PHF14: variants seen among roughly 807,000 people sequenced by gnomAD.
The protein encoded by PHF14 is PHD finger protein 14.
PHF14 carries 55 observed loss-of-function variants against 117.9 expected under a neutral mutation model. The observed-to-expected ratio is 0.47, with a 90% confidence interval of 0.38 to 0.58. The LOEUF (loss-of-function observed/expected upper bound fraction) is 0.58, where lower values mean the gene tolerates loss of function less well. PHF14 is among the 20% of genes least tolerant of loss of function. PHF14 has a pLI of 0.00. For missense variants in PHF14, 978 were observed against 1,122.2 expected (o/e 0.87, Z 1.84); for synonymous variants, 409 against 368.6 (o/e 1.11, Z -1.26).
intron 5 of PHF14, among the ~76,000 whole-genome samples, chr7:11,017,036 A>G (rs1443830270): frequency 2.0e-5 from 3 of 152,142 alleles, no homozygotes; most frequent in Non-Finnish European, 4.4e-5. Context: ...TTCACCTAAC[A>G]TAATGATCTC....
chr7:10,987,174 T>C (rs1206288949), intron 3 of PHF14, among the ~76,000 whole-genome samples: 1 of 152,130 alleles, frequency 6.6e-6, no homozygotes. Context: ...TTGCTCTGAG[T>C]CCTAAAAAAA....
chr7:11,074,848 TTGTCTTCC>T (rs1479955342), intron 16 of PHF14, among the ~76,000 whole-genome samples: 17 of 152,036 alleles, frequency 1.1e-4, no homozygotes, highest in Admixed American at 8.5e-4. Flanking sequence ...AAATTGTCCC[TTGTCTTCC>T]TGTCTTCTTC....
At chr7:11,144,894 T>TA (rs569182101) in intron 17 of PHF14, among the ~76,000 whole-genome samples, 197 of 151,864 alleles carry the variant, frequency 1.3e-3, no homozygotes, top group African/African-American at 3.7e-3. Flanking sequence ...GTAAGAGTAG[T>TA]AAAAAATCAT....
chr7:11,002,883 G>A (rs1184277000), intron 4 of PHF14, among the ~76,000 whole-genome samples: 2 of 152,170 alleles, frequency 1.3e-5, no homozygotes, highest in African/African-American at 4.8e-5. Context: ...TGGAAGCTTG[G>A]GTAGTATCTG....
chr7:11,135,438 G>C (rs1421076978), intron 17 of PHF14, among the ~76,000 whole-genome samples: 1 of 152,010 alleles, frequency 6.6e-6, no homozygotes, highest in African/African-American at 2.4e-5. Context: ...TGAAGCAGTG[G>C]AAATAGCACA....
intron 17 of PHF14, among the ~76,000 whole-genome samples, chr7:11,122,331 T>TATATATATATATATA (rs1787779306): frequency 5.9e-5 from 5 of 84,068 alleles, no homozygotes; most frequent in Admixed American, 3.9e-4. Context: ...TTTGTACTTT[T>TATATATATATATATA]TATATATATA....
At chr7:10,996,051 C>T (rs747090379) in intron 4 of PHF14, among the ~76,000 whole-genome samples, 6 of 152,204 alleles carry the variant, frequency 3.9e-5, no homozygotes, top group African/African-American at 9.6e-5. Context: ...CAAGAGTGAG[C>T]GAGGGCTGTG....
intron 17 of PHF14, among the ~76,000 whole-genome samples, chr7:11,150,409 A>G (rs778498849): frequency 1.3e-5 from 2 of 152,122 alleles, no homozygotes; most frequent in Non-Finnish European, 2.9e-5. Context: ...TCAAGTGTAT[A>G]ATTTTCTTGA....
At chr7:11,062,761 T>C in intron 16 of PHF14, 1 of 985,262 alleles carries the variant, frequency 1.0e-6, no homozygotes, top group Non-Finnish European at 1.2e-6. Flanking sequence ...AATGAAGACA[T>C]TGATCAAAGC....
At chr7:11,162,515 C>T (rs569109585) in intron 17 of PHF14, among the ~76,000 whole-genome samples, 2 of 152,116 alleles carry the variant, frequency 1.3e-5, no homozygotes, top group South Asian at 2.1e-4. Flanking sequence ...TACTTATCAT[C>T]CATCATTCAT....
In PHF14 at chr7:11,036,985, A is replaced by T; in HGVS notation, c.1874A>T (p.Glu625Val). Reference sequence around the variant, plus strand: ...AAAATTCGATATTTCATTTAAATAGAGAGAAATATGCGCATGATTCAAATT... The same window carrying T: ...AAAATTCGATATTTCATTTAAATAGTGAGAAATATGCGCATGATTCAAATT... ...LTADFVNYYF[E>V]RNMRMIQIQE... Residue 625 changes from glutamate (E) to valine (V), a missense_variant and splice_region_variant, in exon 10 of 18, where the codon GAG becomes GTG. By Grantham distance (121) the Glu-to-Val change is moderately radical (BLOSUM62 -2). Transcript: ENST00000634607. The T allele has an allele frequency of 6.7e-7, 1 of 1,486,688 alleles. No individual in the cohort carries two copies. Among genetic ancestry groups the T allele is most frequent in the South Asian group, 1.3e-5 (1 of 78,748 alleles). 92.1% of individuals were successfully genotyped at this position (1,486,688 alleles called of 1,614,324 possible).
At chr7:11,169,074 G>A (rs1258016472) in intron 17 of PHF14, among the ~76,000 whole-genome samples, 1 of 151,680 alleles carries the variant, frequency 6.6e-6, no homozygotes, top group East Asian at 1.9e-4. Context: ...AGCACATGAA[G>A]TGTCTTAGCA....
chr7:11,042,555 C>G lies in PHF14; in HGVS notation c.2181-128C>G, dbSNP rs1196436490. On this transcript the variant is annotated intron_variant, in intron 12 of 17. Coordinates refer to ENST00000634607, the MANE Select transcript of PHF14 (RefSeq NM_001007157.2). ...AAGATGTGTTAATGAAAGAAATTGT[C>G]TATCTCAACAGAAGAAATAGTAAGT... 6.9e-6 allele frequency: 4 copies of G among 578,890 alleles called. No individual in the cohort carries two copies. The African/African-American group carries it at 7.8e-5, about 11-fold the overall frequency. The allele number at this position is 578,890 out of a possible 1,614,324, so 35.9% of individuals were successfully genotyped here.
intron 16 of PHF14, chr7:11,105,649 A>G (rs1787233894): frequency 1.0e-5 from 10 of 984,386 alleles, no homozygotes; most frequent in African/African-American, 1.7e-5. Flanking sequence ...GTAAGTTTAC[A>G]TAAAATTAAG....
intron 2 of PHF14, 82 bp from the exon 3 acceptor site, chr7:10,982,290 G>A (rs1782067132): frequency 1.1e-6 from 1 of 937,456 alleles, no homozygotes. Flanking sequence ...AATTTTGGTG[G>A]TTTCATTTGT....
intron 16 of PHF14, chr7:11,104,068 G>C: frequency 3.0e-6 from 3 of 984,660 alleles, no homozygotes; most frequent in South Asian, 4.7e-5. Context: ...TTAGACCATG[G>C]CCCTCTTTTA....
intron 4 of PHF14, chr7:11,006,670 T>C: frequency 1.6e-6 from 1 of 623,326 alleles, no homozygotes; most frequent in Non-Finnish European, 3.0e-6. Flanking sequence ...AGCTTGTTTC[T>C]CCTGGGGGAG....
At chr7:11,156,910 A>G (rs945579739) in intron 17 of PHF14, among the ~76,000 whole-genome samples, 1 of 152,190 alleles carries the variant, frequency 6.6e-6, no homozygotes, top group African/African-American at 2.4e-5. Context: ...ATTGAGCAGT[A>G]TTTGTTTTAA....
chr7:11,154,948 A>G lies in PHF14; in HGVS notation c.2773-14468A>G, dbSNP rs112570324. On this transcript the variant is annotated intron_variant, in intron 17 of 17. Coordinates refer to ENST00000634607, the MANE Select transcript of PHF14 (RefSeq NM_001007157.2). ...GTAGAATTGGCTTCTATTTAATAAC[A>G]TAATGATGGTTATTTAGCTAGAAAA... 1.2e-3 allele frequency among the ~76,000 whole-genome samples: 188 copies of G among 152,268 alleles called. 1 individual carries two copies. The highest frequency in any genetic ancestry group is 4.2e-3 in the African/African-American group (174 of 41,564).
Sources: allele counts gnomAD v4.1 joint callset (sites outside exome capture counted in the v4.1 genomes callset), GRCh38; gene constraint gnomAD v4.1.1; transcripts MANE v1.5; gene names NCBI Gene and HGNC (gene_info 2026-07-23, HGNC 2026-07-21).